PPP2R2C: variants seen among roughly 807,000 people sequenced by gnomAD.
The protein encoded by PPP2R2C is protein phosphatase 2, regulatory subunit B, gamma.
Under a neutral mutation model 45.3 loss-of-function variants are expected in PPP2R2C, and 10 were observed. The observed-to-expected ratio is 0.22, with a 90% CI of 0.14 to 0.37. The LOEUF (loss-of-function observed/expected upper bound fraction) is 0.37, where lower values mean the gene tolerates loss of function less well. PPP2R2C is among the 10% of genes least tolerant of loss of function. The probability of loss-of-function intolerance (pLI) is 1.00; values close to 1 mark genes in which losing one functional copy is unlikely to be tolerated. For synonymous variants in PPP2R2C, 257 were observed against 245.4 expected (o/e 1.05, Z -0.44); for missense variants, 308 against 619.7 (o/e 0.50, Z 5.34).
At chr4:6,389,913 T>A (rs1177122573) in intron 1 of PPP2R2C, among the ~76,000 whole-genome samples, 1 of 152,114 alleles carries the variant, frequency 6.6e-6, no homozygotes, top group Non-Finnish European at 1.5e-5. Flanking sequence ...CCCCCAGGCC[T>A]GGTTCTCCTC....
intron 1 of PPP2R2C, among the ~76,000 whole-genome samples, chr4:6,443,691 T>C (rs1465990664): frequency 1.3e-5 from 2 of 152,186 alleles, no homozygotes; most frequent in Non-Finnish European, 2.9e-5. Flanking sequence ...CGTATAAACA[T>C]GATGGCAATG....
At chr4:6,519,842 C>G (rs950395656) in intron 2 of PPP2R2C, among the ~76,000 whole-genome samples, 8 of 152,080 alleles carry the variant, frequency 5.3e-5, no homozygotes, top group African/African-American at 1.4e-4. Flanking sequence ...CACAGAGACA[C>G]AAAACTGCAG....
In PPP2R2C at chr4:6,471,965, C is replaced by T. The variant is rs1721911485; in HGVS notation, c.70+195G>A. On this transcript the variant is annotated intron_variant, in intron 1 of 8. Coordinates refer to ENST00000382599, the MANE Select transcript of PPP2R2C (RefSeq NM_020416.4). The surrounding 1 kb of genome is among the most constrained non-coding windows in gnomAD (Gnocchi z 5.6). ...GGCGCTGGGCAGCGGAGGCCGGTAC[C>T]CTCGGGCTCCCTCCCTCCTGGGCCC... Among the ~76,000 whole-genome samples the T allele has an allele frequency of 2.0e-5, 3 of 147,384 alleles. No homozygotes were observed. The South Asian group carries it at 6.5e-4, about 32-fold the overall frequency.
At chr4:6,362,154 C>T (rs868586959) in intron 5 of PPP2R2C, among the ~76,000 whole-genome samples, 1 of 151,894 alleles carries the variant, frequency 6.6e-6, no homozygotes, top group East Asian at 1.9e-4. Context: ...GAGGATGCGG[C>T]GCCAGCAGAA....
At chr4:6,388,858 C>T (rs1011710406) in intron 1 of PPP2R2C, among the ~76,000 whole-genome samples, 1 of 152,106 alleles carries the variant, frequency 6.6e-6, no homozygotes. Flanking sequence ...TTGTTTTAAG[C>T]CACGCAGTTT....
At chr4:6,351,516 TAA>T (rs1361623154) in intron 5 of PPP2R2C, among the ~76,000 whole-genome samples, 2 of 151,988 alleles carry the variant, frequency 1.3e-5, no homozygotes, top group Admixed American at 1.3e-4. Flanking sequence ...TTTGGGGAGA[TAA>T]AGTCTCCCAA....
intron 1 of PPP2R2C, among the ~76,000 whole-genome samples, chr4:6,405,358 C>T (rs529140612): frequency 5.3e-5 from 8 of 152,286 alleles, no homozygotes; most frequent in South Asian, 2.1e-4. Context: ...TGCCCTAAAC[C>T]GGCTCTCAGC....
intron 2 of PPP2R2C, among the ~76,000 whole-genome samples, chr4:6,507,543 G>T (rs1173037731): frequency 1.3e-5 from 2 of 152,232 alleles, no homozygotes; most frequent in South Asian, 2.1e-4. Context: ...CCAGCCTCCA[G>T]CTGTTCTAAC....
intron 2 of PPP2R2C, among the ~76,000 whole-genome samples, chr4:6,517,387 G>A (rs541467151): frequency 6.6e-6 from 1 of 152,324 alleles, no homozygotes; most frequent in East Asian, 1.9e-4. Context: ...ATGTTACCTA[G>A]CCTATCTGAG....
At chr4:6,464,800 C>G (rs73207842) in intron 1 of PPP2R2C, among the ~76,000 whole-genome samples, 13,554 of 151,154 alleles carry the variant, frequency 0.09, 805 homozygotes, top group Non-Finnish European at 0.13. Context: ...TAAGGGGGAA[C>G]GATGGGAGTA....
chr4:6,514,720 T>C (rs1189689256), intron 2 of PPP2R2C, among the ~76,000 whole-genome samples: 2 of 152,328 alleles, frequency 1.3e-5, no homozygotes, highest in East Asian at 3.9e-4. Context: ...AGGGCTGCCA[T>C]GAAAACATCA....
chr4:6,348,840 C>G (rs893789235), intron 5 of PPP2R2C: 1 of 654,538 alleles, frequency 1.5e-6, no homozygotes, highest in African/African-American at 2.0e-5. Context: ...GCCATTCCCC[C>G]CAGACTGCTA....
intron 1 of PPP2R2C, among the ~76,000 whole-genome samples, chr4:6,409,054 T>C (rs1717987158): frequency 6.6e-6 from 1 of 152,174 alleles, no homozygotes; most frequent in South Asian, 2.1e-4. Flanking sequence ...AGGACCATGC[T>C]GGAATTAAAA....
At chr4:6,387,069 A>T (rs191490309) in intron 1 of PPP2R2C, among the ~76,000 whole-genome samples, 15 of 152,252 alleles carry the variant, frequency 9.9e-5, no homozygotes, top group Admixed American at 3.9e-4. Context: ...GAGAAAAAAA[A>T]TTTTTTTAAA....
chr4:6,449,544 T>G (rs930320512), intron 1 of PPP2R2C, among the ~76,000 whole-genome samples: 4 of 151,856 alleles, frequency 2.6e-5, no homozygotes, highest in African/African-American at 9.7e-5. Context: ...GCCTGGCCCC[T>G]GTCGGGAGGG....
At chr4:6,458,807 C>A (rs112198438) in intron 1 of PPP2R2C, among the ~76,000 whole-genome samples, 1 of 152,124 alleles carries the variant, frequency 6.6e-6, no homozygotes, top group Admixed American at 6.5e-5. Flanking sequence ...TTCAGAAAGG[C>A]CTGGATTCCT....
At chr4:6,383,637 C>G (rs1046448485) in intron 1 of PPP2R2C, 46 of 498,548 alleles carry the variant, frequency 9.2e-5, no homozygotes, top group Non-Finnish European at 1.4e-4. Flanking sequence ...GCTGTCTGCA[C>G]CCCAGCACCC....
chr4:6,414,070 CTGTGTATGTGTGTGTGTGTG>C lies in PPP2R2C; in HGVS notation c.71-32996_71-32977del, dbSNP rs1191834413. 142 of 1,202,480 alleles carry C rather than the reference CTGTGTATGTGTGTGTGTGTG, an allele frequency of 1.2e-4. 3 individuals carry two copies. The highest frequency in any genetic ancestry group is 2.8e-4 in the Middle Eastern group (1 of 3,522). The allele number at this position is 1,202,480 out of a possible 1,614,324, so 74.5% of individuals were successfully genotyped here. A position where few individuals can be genotyped will look rare whatever the true frequency, so the allele number is the denominator to read the frequency against. On this transcript the variant is annotated intron_variant, in intron 1 of 8. Transcript: ENST00000382599. ...CATGGGACAGTAACATAAGTTTTGC[CTGTGTATGTGTGTGTGTGTG>C]TGTGTGTGTGTGTGTGTGTGTGTGT...
chr4:6,533,772 G>C (rs1050623635), intron 2 of PPP2R2C, among the ~76,000 whole-genome samples: 5 of 152,224 alleles, frequency 3.3e-5, no homozygotes, highest in Non-Finnish European at 5.9e-5. Flanking sequence ...GTCCAACACA[G>C]GAAATTGGTT....
Sources: gnomAD v4.1 joint callset for allele counts (sites outside exome capture counted in the v4.1 genomes callset) on GRCh38, gnomAD v4.1.1 for gene constraint, Gnocchi (gnomAD v3.1) non-coding constraint, MANE v1.5 for transcripts, NCBI Gene and HGNC (gene_info 2026-07-23, HGNC 2026-07-21) for gene names.